Variants in PCDHA2 observed in about 807,000 individuals in gnomAD.
The protein encoded by PCDHA2 is protocadherin alpha 2.
In PCDHA2, 58 loss-of-function variants were observed where a neutral mutation model predicts 66.0. The ratio of observed to expected loss-of-function variants is 0.88; its 90% confidence interval spans 0.71 to 1.09. The LOEUF (loss-of-function observed/expected upper bound fraction) is 1.09, where lower values mean the gene tolerates loss of function less well. Among genes scored for constraint, PCDHA2 ranks in the 50% least tolerant of loss-of-function variants. The pLI, the probability that PCDHA2 is intolerant of heterozygous loss-of-function variation, is 0.00. For missense variants in PCDHA2, 1,267 were observed against 1,242.3 expected (o/e 1.02, Z -0.30); for synonymous variants, 634 against 554.0 (o/e 1.14, Z -2.03).
At chr5:140,883,038 A>G (rs782789489) in intron 1 of PCDHA2, 3 of 1,614,160 alleles carry the variant, frequency 1.9e-6, no homozygotes, top group East Asian at 2.2e-5. Context: ...AACGCCTTCA[A>G]TGGAACATTA....
chr5:140,819,025 G>A (rs1766475297), intron 1 of PCDHA2, among the ~76,000 whole-genome samples: 2 of 152,122 alleles, frequency 1.3e-5, no homozygotes, highest in African/African-American at 4.8e-5. Flanking sequence ...GGATATTTTA[G>A]CACATTCCCT....
chr5:140,877,515 G>A (rs371100299), intron 1 of PCDHA2: 177 of 1,613,796 alleles, frequency 1.1e-4, no homozygotes, highest in Admixed American at 4.8e-4. Context: ...CGTCGTCGCG[G>A]GCCTCAGTGG....
In PCDHA2 at chr5:140,852,660, A is replaced by G. The variant is rs2150521293; in HGVS notation, c.2388+55308A>G. The G allele has an allele frequency of 3.6e-4, 348 of 965,166 alleles. 29 individuals carry two copies. The highest frequency in any genetic ancestry group is 4.1e-4 in the Non-Finnish European group (328 of 799,632). 59.8% of individuals were successfully genotyped at this position (965,166 alleles called of 1,614,324 possible). A position where few individuals can be genotyped will look rare whatever the true frequency, so the allele number is the denominator to read the frequency against. On this transcript the variant is annotated intron_variant, in intron 1 of 3. Coordinates refer to ENST00000526136, the MANE Select transcript of PCDHA2 (RefSeq NM_018905.3). Reference sequence around the variant, plus strand: ...TCATTAAACCTATCTATATCTGTCTATCAGCACAACTCACCTTGAATATAG... The same window carrying G: ...TCATTAAACCTATCTATATCTGTCTGTCAGCACAACTCACCTTGAATATAG...
chr5:140,875,260 C>T (rs2153321792), intron 1 of PCDHA2: 1 of 1,109,124 alleles, frequency 9.0e-7, no homozygotes, highest in Non-Finnish European at 1.2e-6. Context: ...CACATGATGT[C>T]GCTCTACACT....
At chr5:141,000,538 A>C (rs31871) in intron 3 of PCDHA2, among the ~76,000 whole-genome samples, 70,673 of 145,962 alleles carry the variant, frequency 0.48, 18,171 homozygotes, top group African/African-American at 0.68. Flanking sequence ...AGTGATTCTC[A>C]TGCCTCAAAC....
intron 1 of PCDHA2, chr5:140,816,812 C>T (rs1765998707): frequency 6.6e-6 from 1 of 151,610 alleles, no homozygotes; most frequent in Admixed American, 6.6e-5. Flanking sequence ...TTAAGATGCT[C>T]TAATCTTTTT....
chr5:140,905,011 T>A (rs551000720), intron 1 of PCDHA2, among the ~76,000 whole-genome samples: 44 of 152,296 alleles, frequency 2.9e-4, no homozygotes, highest in African/African-American at 1.0e-3. Context: ...CTTTGCTAAT[T>A]CTTTTCTATG....
At chr5:140,835,709 C>T (rs2150242768) in intron 1 of PCDHA2, 29 of 1,613,350 alleles carry the variant, frequency 1.8e-5, no homozygotes, top group Middle Eastern at 3.3e-4. Context: ...CTAGCGTGTC[C>T]GTGGAGGTGG....
rs1056248774 is a variant in PCDHA2, at chr5:140,862,628, G to A, written c.2388+65276G>A. On this transcript the variant is annotated intron_variant, in intron 1 of 3. Coordinates refer to ENST00000526136, the MANE Select transcript of PCDHA2 (RefSeq NM_018905.3). The stretch of plus-strand genomic sequence containing the variant: ...GTGAAAGGTAACAACCCGCGGGGCT[G>A]CCACGACTTCACAGTGTCCGCGCGG... The A allele has an allele frequency of 9.4e-6, 5 of 534,028 alleles. No individual in the cohort carries two copies. In the Admixed American group the frequency reaches 9.7e-5, roughly 10 times the overall value. 33.1% of individuals were successfully genotyped at this position (534,028 alleles called of 1,614,324 possible). A position where few individuals can be genotyped will look rare whatever the true frequency, so the allele number is the denominator to read the frequency against.
chr5:140,849,084 C>T, intron 1 of PCDHA2: 1 of 1,514,880 alleles, frequency 6.6e-7, no homozygotes. Context: ...ACTTGTATTA[C>T]GGAAACTTTT....
At chr5:140,800,670 C>A (rs980874297) in intron 1 of PCDHA2, among the ~76,000 whole-genome samples, 2 of 151,974 alleles carry the variant, frequency 1.3e-5, no homozygotes, top group African/African-American at 4.8e-5. Context: ...TTATAAAAAG[C>A]GAATAATATT....
At chr5:140,892,083 C>T (rs1019565386) in intron 1 of PCDHA2, among the ~76,000 whole-genome samples, 5 of 152,144 alleles carry the variant, frequency 3.3e-5, no homozygotes, top group African/African-American at 1.2e-4. Context: ...TTTCTAGTTT[C>T]CTCTCGAAAC....
rs1554125155 is a variant in PCDHA2 at position 140,809,341 on chromosome 5, C to A, written c.2388+11989C>A. 4 of 1,613,952 alleles carry A rather than the reference C, an allele frequency of 2.5e-6. No homozygotes were observed. In the Admixed American group the frequency reaches 6.7e-5, roughly 27 times the overall value. Reference sequence around the variant, plus strand: ...TTTTGGTGCTCACGCTGCTGCTGTACACCGCGCTGCGGTGCTCTGCGCTGC... The same window carrying A: ...TTTTGGTGCTCACGCTGCTGCTGTAAACCGCGCTGCGGTGCTCTGCGCTGC... On this transcript the variant is annotated intron_variant, in intron 1 of 3. Transcript: ENST00000526136.
chr5:140,795,326 T>C lies in PCDHA2; in HGVS notation c.362T>C (p.Val121Ala), dbSNP rs782107919. 3 of 1,613,978 alleles carry C rather than the reference T, an allele frequency of 1.9e-6. No individual in the cohort carries two copies. The African/African-American group carries it at 4.0e-5, about 22-fold the overall frequency. ...CCGCTGCAGGTTTTCCATGTGGAAGTGGAGGTGAAGGACATTAACGACAAC... is the reference window on the plus strand; with the variant it reads ...CCGCTGCAGGTTTTCCATGTGGAAGCGGAGGTGAAGGACATTAACGACAAC... ...DRPLQVFHVE[V>A]EVKDINDNPP... Residue 121 changes from valine (V) to alanine (A), a missense_variant, in exon 1 of 4, where the codon GTG becomes GCG. Transcript: ENST00000526136.
chr5:140,889,497 A>G (rs1024054854), intron 1 of PCDHA2, among the ~76,000 whole-genome samples: 1 of 152,188 alleles, frequency 6.6e-6, no homozygotes, highest in South Asian at 2.1e-4. Flanking sequence ...ATCTATAGTG[A>G]TATTTCCCTT....
rs374162485 is a variant in PCDHA2 at position 140,856,517 on chromosome 5, T to A, written c.2388+59165T>A. 8 of 1,598,368 alleles carry A rather than the reference T, an allele frequency of 5.0e-6. 1 individual carries two copies. Among genetic ancestry groups the A allele is most frequent in the Non-Finnish European group, 6.0e-6 (7 of 1,167,940 alleles). On this transcript the variant is annotated intron_variant, in intron 1 of 3. Coordinates refer to ENST00000526136, the MANE Select transcript of PCDHA2 (RefSeq NM_018905.3). ...CTCTCGATTTCCACTAGAAGGCGCA[T>A]CTGATGCGGATGTTGGAGAGAACGC...
At chr5:140,827,788 C>T (rs2150149123) in intron 1 of PCDHA2, among the ~76,000 whole-genome samples, 76 of 152,218 alleles carry the variant, frequency 5.0e-4, no homozygotes, top group Admixed American at 1.5e-3. Flanking sequence ...TAACACTGAC[C>T]GTGCAAATTA....
Position 140,843,638 on chromosome 5 carries a change from A to G in PCDHA2, c.2388+46286A>G, listed in dbSNP as rs2150364336. On this transcript the variant is annotated intron_variant, in intron 1 of 3. Transcript: ENST00000526136. ...ACCGAAGACGGACCTCATGGCCTTC[A>G]GCCCCTGCCTTCCTCCTGATCTGGG... 6.9e-6 allele frequency: 11 copies of G among 1,595,882 alleles called. 1 individual carries two copies. In the African/African-American group the frequency reaches 9.4e-5, roughly 14 times the overall value.
chr5:140,883,946 G>A, intron 1 of PCDHA2: 5 of 1,613,392 alleles, frequency 3.1e-6, no homozygotes, highest in Middle Eastern at 1.7e-4. Context: ...GGACGAGAAC[G>A]ACAACGCTCC....
Sources: gnomAD v4.1 joint callset for allele counts (sites outside exome capture counted in the v4.1 genomes callset) on GRCh38, gnomAD v4.1.1 for gene constraint, MANE v1.5 for transcripts, NCBI Gene and HGNC (gene_info 2026-07-23, HGNC 2026-07-21) for gene names.